The following PIEZO2 variants were observed in gnomAD, a reference collection of about 807,000 sequenced individuals.
PIEZO2 encodes piezo type mechanosensitive ion channel component 2, also known as piezo-type mechanosensitive ion channel component 2.
A neutral mutation model predicts 337.3 loss-of-function variants in PIEZO2; 172 were observed. The observed-to-expected ratio is 0.51, with a 90% CI of 0.45 to 0.58. The LOEUF (loss-of-function observed/expected upper bound fraction) is 0.58. Ranked by LOEUF, PIEZO2 falls within the 20% of genes least tolerant of loss-of-function variation. The pLI is 0.00. For missense variants in PIEZO2, 3,028 were observed against 3,391.3 expected, an observed-to-expected ratio of 0.89 and a Z score of 2.66; for synonymous variants, 1,251 against 1,228.5, an observed-to-expected ratio of 1.02 and a Z score of -0.38.
At position 10,730,295 on chromosome 18, in the gene PIEZO2, C is replaced by A. The variant is rs138210624; in HGVS notation, c.5029+1112G>T. 3.9e-5 allele frequency among the ~76,000 whole-genome samples: 6 copies of A among 152,298 alleles called. No homozygotes were observed. In the East Asian group the frequency reaches 9.6e-4, roughly 24 times the overall value. ...TCCAATGTTTAGGTTCCTGTCAATC[C>A]AATGGGTTAAGAAAACAGTATGTCA... On this transcript the variant is annotated intron_variant, in intron 36 of 55. Transcript: ENST00000674853.
chr18:11,039,143 C>A (rs1469487466), intron 2 of PIEZO2, among the ~76,000 whole-genome samples: 1 of 152,154 alleles, frequency 6.6e-6, no homozygotes, highest in Non-Finnish European at 1.5e-5. Context: ...ACCTCTATAG[C>A]TTAAAGTAAT....
At chr18:10,977,871 C>G (rs1568260475) in intron 3 of PIEZO2, among the ~76,000 whole-genome samples, 1 of 152,120 alleles carries the variant, frequency 6.6e-6, no homozygotes, top group Non-Finnish European at 1.5e-5. Context: ...ATAGACAAAT[C>G]TAATACAGAC....
At position 10,715,812 on chromosome 18, in the gene PIEZO2, A is replaced by T. The variant is rs1314803641; in HGVS notation, c.5094T>A (p.Asn1698Lys). 1 of 1,523,560 alleles carries T rather than the reference A, an allele frequency of 6.6e-7. No homozygotes were observed. Among genetic ancestry groups the T allele is most frequent in the East Asian group, 2.4e-5 (1 of 40,850 alleles). 94.4% of individuals were successfully genotyped at this position (1,523,560 alleles called of 1,614,324 possible). A position where few individuals can be genotyped will look rare whatever the true frequency, so the allele number is the denominator to read the frequency against. ...AAATATTAAATATCCTCTTGATGAT[A>T]TTATCTAGGAGGAAGAAAGGCAACA... ...PIKKKSDGPD[N>K]IIKRIFNILK... is the part of the protein sequence containing the mutation. The change falls in exon 38 of 56, where the codon AAT (asparagine) becomes AAA (lysine). Residue 1698 changes from asparagine (N) to lysine (K), a missense_variant. Physicochemically the swap from Asn to Lys is moderately conservative, Grantham distance 94. Coordinates refer to ENST00000674853, the MANE Select transcript of PIEZO2 (RefSeq NM_001378183.1).
chr18:11,076,268 T>G (rs2038541163), intron 1 of PIEZO2, among the ~76,000 whole-genome samples: 1 of 152,350 alleles, frequency 6.6e-6, no homozygotes, highest in African/African-American at 2.4e-5. Context: ...TATTCTACAT[T>G]AATTTCATTA....
At chr18:10,871,107 T>C in intron 5 of PIEZO2, 146 bp downstream of exon 5, 1 of 855,838 alleles carries the variant, frequency 1.2e-6, no homozygotes, top group Non-Finnish European at 1.7e-6. Flanking sequence ...GAGGGTGTCA[T>C]GCAATTTGAC....
rs2040324359 is a variant in PIEZO2 at position 10,815,145 on chromosome 18, G to A, written c.918-7871C>T. Among the ~76,000 whole-genome samples, 1 of 152,014 alleles carries A rather than the reference G, an allele frequency of 6.6e-6. No individual in the cohort carries two copies. Among genetic ancestry groups the A allele is most frequent in the Non-Finnish European group, 1.5e-5 (1 of 67,996 alleles). ...CCCACTCTAATGGCATAAATCTAAT[G>A]GCAACAAAACATGGGTCTTATTTTT... is the stretch of plus-strand genomic sequence containing the variant. On this transcript the variant is annotated intron_variant, in intron 7 of 55. Coordinates refer to ENST00000674853, the MANE Select transcript of PIEZO2 (RefSeq NM_001378183.1). The surrounding 1 kb of genome is among the most constrained non-coding windows in gnomAD (Gnocchi z 4.1).
chr18:11,053,133 G>A (rs776402387), intron 2 of PIEZO2, among the ~76,000 whole-genome samples: 7 of 152,252 alleles, frequency 4.6e-5, no homozygotes, highest in East Asian at 3.9e-4. Flanking sequence ...TCCCTTAAAC[G>A]TGTGTTGTGA....
chr18:10,675,294 C>G lies in PIEZO2; in HGVS notation c.8082-6G>C. ...GATAAATCTTTTCTATGGTCCTGTA[C>G]ATTAAGAAAAAAAAGATACAATTAC... On this transcript the variant is annotated splice_region_variant and splice_polypyrimidine_tract_variant and intron_variant, in intron 53 of 55. Transcript: ENST00000674853. 7.0e-7 allele frequency: 1 copy of G among 1,438,540 alleles called. No homozygotes were observed. The highest frequency in any genetic ancestry group is 2.5e-5 in the East Asian group (1 of 40,242). 89.1% of individuals were successfully genotyped at this position (1,438,540 alleles called of 1,614,324 possible).
At position 10,683,487 on chromosome 18, in the gene PIEZO2, T is replaced by C. The variant is rs138392100; in HGVS notation, c.7498-1195A>G. Among the ~76,000 whole-genome samples the C allele has an allele frequency of 8.4e-4, 128 of 152,358 alleles. 5 individuals are homozygous for C. The East Asian group carries it at 0.023, about 27-fold the overall frequency. The stretch of plus-strand genomic sequence containing the variant: ...CAGATGGTAGCAGTGCATTTTGATA[T>C]TTTTGCACTGGCATTTGATACTGTT... On this transcript the variant is annotated intron_variant, in intron 49 of 55. Coordinates refer to ENST00000674853, the MANE Select transcript of PIEZO2 (RefSeq NM_001378183.1).
chr18:10,887,462 C>G (rs1007232812), intron 4 of PIEZO2, among the ~76,000 whole-genome samples: 16 of 152,048 alleles, frequency 1.1e-4, no homozygotes, highest in Non-Finnish European at 8.8e-5. Flanking sequence ...GACCCAAACA[C>G]CTCCCACCAG....
intron 3 of PIEZO2, among the ~76,000 whole-genome samples, chr18:10,935,381 CA>C (rs2032333995): frequency 6.6e-6 from 1 of 152,178 alleles, no homozygotes; most frequent in African/African-American, 2.4e-5. Flanking sequence ...GAGAGCTACT[CA>C]GGGGGCAGAA....
At chr18:10,826,265 A>G (rs926003456) in intron 7 of PIEZO2, among the ~76,000 whole-genome samples, 1 of 152,228 alleles carries the variant, frequency 6.6e-6, no homozygotes, top group Non-Finnish European at 1.5e-5. Flanking sequence ...GTGTGCATAT[A>G]CGCAGATATA....
intron 1 of PIEZO2, among the ~76,000 whole-genome samples, chr18:11,084,542 C>T (rs933678543): frequency 6.6e-5 from 10 of 152,280 alleles, no homozygotes; most frequent in Non-Finnish European, 1.3e-4. Context: ...TCACCTCCCA[C>T]GGGCTTCCTC....
In PIEZO2 at chr18:10,819,566, A is replaced by G. The variant is rs2040462137; in HGVS notation, c.918-12292T>C. ...AACATGTCACTTAACAAAAAATCCA[A>G]AGATGAGCAGTTCCAGGTTAGCTAA... On this transcript the variant is annotated intron_variant, in intron 7 of 55. Coordinates refer to ENST00000674853, the MANE Select transcript of PIEZO2 (RefSeq NM_001378183.1). The surrounding 1 kb of genome is among the most constrained non-coding windows in gnomAD (Gnocchi z 4.3). Among the ~76,000 whole-genome samples the G allele has an allele frequency of 6.6e-6, 1 of 152,190 alleles. No individual in the cohort carries two copies. Among genetic ancestry groups the G allele is most frequent in the Non-Finnish European group, 1.5e-5 (1 of 68,026 alleles).
intron 2 of PIEZO2, among the ~76,000 whole-genome samples, chr18:11,000,669 A>G (rs1161961794): frequency 6.6e-6 from 1 of 152,204 alleles, no homozygotes; most frequent in Admixed American, 6.5e-5. Flanking sequence ...CGCATGCTGT[A>G]TCTGACATTT....
Position 10,773,882 on chromosome 18 carries a change from G to T in PIEZO2, c.2567+124C>A. The T allele has an allele frequency of 1.6e-6, 1 of 636,138 alleles. No homozygotes were observed. Among genetic ancestry groups the T allele is most frequent in the South Asian group, 1.8e-5 (1 of 54,730 alleles). The allele number at this position is 636,138 out of a possible 1,614,324, so 39.4% of individuals were successfully genotyped here. On this transcript the variant is annotated intron_variant, in intron 19 of 55. Transcript: ENST00000674853. This position sits in a 1 kb window ranked among gnomAD's most constrained non-coding sequence, Gnocchi z 5.3. The stretch of plus-strand genomic sequence containing the variant: ...CGGGTTCTAGTGATTAGTTGGTAAT[G>T]AGAGCTATCAACACCTAAACTTGAC...
At chr18:10,785,031 A>G in intron 16 of PIEZO2, 74 bp from the exon 17 acceptor site, 1 of 1,414,588 alleles carries the variant, frequency 7.1e-7, no homozygotes, top group Non-Finnish European at 9.4e-7. Context: ...GTGATAAACT[A>G]CATCACAGTC....
At chr18:10,789,610 C>CT (rs1251946852) in intron 14 of PIEZO2, among the ~76,000 whole-genome samples, 1 of 152,124 alleles carries the variant, frequency 6.6e-6, no homozygotes, top group Admixed American at 6.6e-5. Flanking sequence ...TATACAAGAT[C>CT]TTTTTTCTTT....
chr18:11,119,340 A>G (rs1469905323), intron 1 of PIEZO2, among the ~76,000 whole-genome samples: 1 of 152,102 alleles, frequency 6.6e-6, no homozygotes, highest in Non-Finnish European at 1.5e-5. Context: ...GGGTTTCACC[A>G]TGTTGGCCAG....
Sources: allele counts gnomAD v4.1 joint callset (sites outside exome capture counted in the v4.1 genomes callset), GRCh38; gene constraint gnomAD v4.1.1; non-coding constraint Gnocchi (gnomAD v3.1); transcripts MANE v1.5; gene names NCBI Gene and HGNC (gene_info 2026-07-23, HGNC 2026-07-21).